Variants in OCA2 observed in about 807,000 individuals in gnomAD.
OCA2 encodes the protein P protein.
A neutral mutation model predicts 100.2 loss-of-function variants in OCA2; 77 were observed. That is an observed-to-expected ratio of 0.77 (90% CI 0.64 to 0.93). OCA2 has a LOEUF of 0.93. Among genes scored for constraint, OCA2 ranks in the 40% least tolerant of loss-of-function variants. The pLI is 0.00. For missense variants in OCA2, 1,062 were observed against 1,089.1 expected, an observed-to-expected ratio of 0.98 and a Z score of 0.35; for synonymous variants, 432 against 439.2, an observed-to-expected ratio of 0.98 and a Z score of 0.21.
intron 9 of OCA2, among the ~76,000 whole-genome samples, chr15:27,999,512 C>T (rs2041861005): frequency 6.6e-6 from 1 of 152,226 alleles, no homozygotes; most frequent in African/African-American, 2.4e-5. Context: ...TAACATTATA[C>T]TCCATAGTGA....
At chr15:28,084,930 G>C (rs1454786565) in intron 1 of OCA2, among the ~76,000 whole-genome samples, 1 of 152,192 alleles carries the variant, frequency 6.6e-6, no homozygotes, top group East Asian at 1.9e-4. Context: ...TTACGTGTCA[G>C]GGGGACATCC....
chr15:27,980,229 G>A lies in OCA2; in HGVS notation c.1503+3116C>T, dbSNP rs547292015. ...TGCAAGCTCCGCCTCATGGGTTCAC[G>A]CCATTCTCCTGCCTCAGCCTCCAGA... On this transcript the variant is annotated intron_variant, in intron 14 of 23. Transcript: ENST00000354638. Among the ~76,000 whole-genome samples the A allele has an allele frequency of 6.6e-5, 10 of 152,004 alleles. No individual in the cohort carries two copies. In the South Asian group the frequency reaches 1.0e-3, roughly 16 times the overall value.
chr15:27,987,183 A>G (rs533038626), intron 11 of OCA2, among the ~76,000 whole-genome samples: 1 of 152,312 alleles, frequency 6.6e-6, no homozygotes, highest in Non-Finnish European at 1.5e-5. Context: ...TTCCAGGTGA[A>G]CCCAGAATGC....
intron 2 of OCA2, among the ~76,000 whole-genome samples, chr15:28,077,774 C>T (rs1595919933): frequency 6.6e-6 from 1 of 152,196 alleles, no homozygotes; most frequent in Admixed American, 6.5e-5. Flanking sequence ...ACCACACAAA[C>T]ATGGGCAATT....
chr15:27,893,846 T>G (rs1471797480), intron 19 of OCA2, among the ~76,000 whole-genome samples: 1 of 152,210 alleles, frequency 6.6e-6, no homozygotes, highest in African/African-American at 2.4e-5. Context: ...CTTTATGATC[T>G]TTGTTGGACC....
At chr15:28,017,408 G>A (rs1311741454) in intron 7 of OCA2, among the ~76,000 whole-genome samples, 3 of 152,138 alleles carry the variant, frequency 2.0e-5, no homozygotes, top group African/African-American at 7.2e-5. Flanking sequence ...CAGCGGGACC[G>A]CAGGCTGTGT....
chr15:27,999,260 T>C (rs956589751), intron 9 of OCA2, among the ~76,000 whole-genome samples: 2 of 152,154 alleles, frequency 1.3e-5, no homozygotes, highest in African/African-American at 4.8e-5. Context: ...ACAAGGATCA[T>C]ATACCATGAT....
At chr15:27,895,620 G>A (rs2037654869) in intron 19 of OCA2, 2 of 164,376 alleles carry the variant, frequency 1.2e-5, no homozygotes, top group African/African-American at 4.8e-5. Context: ...ACTTGAGAGA[G>A]ATGACTTAGG....
At chr15:28,098,107 A>C (rs2045019896) in intron 1 of OCA2, among the ~76,000 whole-genome samples, 1 of 152,180 alleles carries the variant, frequency 6.6e-6, no homozygotes, top group Non-Finnish European at 1.5e-5. Flanking sequence ...ATAAAACAAG[A>C]ACAGTATAGG....
intron 2 of OCA2, among the ~76,000 whole-genome samples, chr15:28,038,543 C>T (rs8024968): frequency 0.23 from 34,709 of 151,974 alleles, 5,587 homozygotes; most frequent in African/African-American, 0.45. Flanking sequence ...TCACAGACTT[C>T]TCAGGAAAGA....
chr15:28,007,460 G>A (rs2042121349), intron 9 of OCA2, among the ~76,000 whole-genome samples: 1 of 152,228 alleles, frequency 6.6e-6, no homozygotes, highest in African/African-American at 2.4e-5. Context: ...GCCGGGCATG[G>A]TGGCTCACGC....
intron 23 of OCA2, among the ~76,000 whole-genome samples, chr15:27,834,727 C>T (rs1406645983): frequency 2.6e-5 from 4 of 152,194 alleles, no homozygotes; most frequent in African/African-American, 9.7e-5. Context: ...GTAGAAAAAG[C>T]CACTTGCTGG....
At chr15:28,061,294 C>T (rs555280378) in intron 2 of OCA2, among the ~76,000 whole-genome samples, 2 of 152,106 alleles carry the variant, frequency 1.3e-5, no homozygotes, top group African/African-American at 2.4e-5. Context: ...TGGTCCCAGC[C>T]CTTATTTAAG....
intron 19 of OCA2, chr15:27,896,190 G>T: frequency 1.1e-6 from 1 of 907,816 alleles, no homozygotes; most frequent in Admixed American, 1.7e-5. Flanking sequence ...GAAGAGAGCT[G>T]TAGATAGAGG....
chr15:27,967,636 A>T (rs557486181), intron 14 of OCA2, among the ~76,000 whole-genome samples: 1 of 152,242 alleles, frequency 6.6e-6, no homozygotes, highest in Non-Finnish European at 1.5e-5. Context: ...CAGGGCACTC[A>T]GGGCCCATCA....
chr15:27,741,646 G>A, the OCA2 span, among the ~76,000 whole-genome samples: 4 of 152,186 alleles, frequency 2.6e-5, no homozygotes, highest in Non-Finnish European at 5.9e-5. Context: ...CCTTATCCCA[G>A]ATAAACAAGG....
At chr15:27,861,393 G>GAGC (rs113753116) in intron 21 of OCA2, among the ~76,000 whole-genome samples, 2,019 of 152,298 alleles carry the variant, frequency 0.013, 42 homozygotes, top group African/African-American at 0.042. Context: ...AGGCTCTGGG[G>GAGC]AGCAGCCCAG....
At chr15:27,830,628 G>A (rs1365633380) in intron 23 of OCA2, among the ~76,000 whole-genome samples, 1 of 152,118 alleles carries the variant, frequency 6.6e-6, no homozygotes, top group African/African-American at 2.4e-5. Context: ...TTCACTAAGG[G>A]AAAAAGAATG....
intron 2 of OCA2, among the ~76,000 whole-genome samples, chr15:28,050,451 C>T (rs1256177956): frequency 1.3e-5 from 2 of 151,604 alleles, no homozygotes; most frequent in East Asian, 3.9e-4. Flanking sequence ...ATCCCAGCTA[C>T]TTGGGAGGCT....
Sources: allele counts gnomAD v4.1 joint callset (sites outside exome capture counted in the v4.1 genomes callset), GRCh38; gene constraint gnomAD v4.1.1; transcripts MANE v1.5; gene names NCBI Gene and HGNC (gene_info 2026-07-23, HGNC 2026-07-21).